The following TMTC2 variants were observed in gnomAD, a reference collection of about 807,000 sequenced individuals.
TMTC2 encodes the protein protein O-mannosyl-transferase TMTC2.
TMTC2 carries 43 observed loss-of-function variants against 82.4 expected under a neutral mutation model. The observed-to-expected ratio is 0.52, with a 90% CI of 0.41 to 0.67. The LOEUF is 0.67. Among genes scored for constraint, TMTC2 ranks in the 30% least tolerant of loss-of-function variants. The probability of loss-of-function intolerance (pLI) is 0.00; values close to 1 mark genes in which losing one functional copy is unlikely to be tolerated. For missense variants in TMTC2, 919 were observed against 1,012.4 expected (o/e 0.91, Z 1.25); for synonymous variants, 408 against 381.9 (o/e 1.07, Z -0.80).
At chr12:82,788,325 A>C (rs1312824960) in intron 1 of TMTC2, among the ~76,000 whole-genome samples, 3 of 152,154 alleles carry the variant, frequency 2.0e-5, no homozygotes, top group Admixed American at 6.5e-5. Context: ...CTACAAATTC[A>C]ATGGAAATAT....
chr12:82,845,790 T>G (rs1316227125), intron 1 of TMTC2, among the ~76,000 whole-genome samples: 2 of 152,150 alleles, frequency 1.3e-5, no homozygotes, highest in Non-Finnish European at 2.9e-5. Flanking sequence ...TTTCTCATAT[T>G]TTCATGTTGT....
intron 1 of TMTC2, among the ~76,000 whole-genome samples, chr12:82,817,590 G>A (rs1227697359): frequency 6.6e-6 from 1 of 152,082 alleles, no homozygotes; most frequent in African/African-American, 2.4e-5. Flanking sequence ...TACTACTGGT[G>A]CCTTGTTTGA....
At chr12:82,879,725 A>AGGAGCAAG (rs1328456464) in intron 2 of TMTC2, among the ~76,000 whole-genome samples, 1 of 152,188 alleles carries the variant, frequency 6.6e-6, no homozygotes, top group East Asian at 1.9e-4. Flanking sequence ...TTTTTTGTAA[A>AGGAGCAAG]ACACGAATTC....
intron 3 of TMTC2, among the ~76,000 whole-genome samples, chr12:82,917,805 T>C (rs1479562094): frequency 1.3e-5 from 2 of 152,152 alleles, no homozygotes; most frequent in Non-Finnish European, 2.9e-5. Flanking sequence ...GGTTTCACCG[T>C]GTTAGCCAGG....
chr12:82,809,832 A>G (rs1879406356), intron 1 of TMTC2, among the ~76,000 whole-genome samples: 1 of 152,136 alleles, frequency 6.6e-6, no homozygotes, highest in African/African-American at 2.4e-5. Flanking sequence ...TCCCTGGACT[A>G]ATGACTCTGA....
At chr12:82,900,980 A>T (rs1873977507) in intron 3 of TMTC2, among the ~76,000 whole-genome samples, 1 of 21,334 alleles carries the variant, frequency 4.7e-5, no homozygotes, top group Non-Finnish European at 7.3e-5. Context: ...ATATATATAT[A>T]TCTGGAATAT....
At chr12:82,790,652 C>A (rs897415403) in intron 1 of TMTC2, among the ~76,000 whole-genome samples, 4 of 151,506 alleles carry the variant, frequency 2.6e-5, no homozygotes, top group African/African-American at 9.7e-5. Context: ...ATGGTGAAAC[C>A]CCGTCTCTAC....
chr12:82,850,178 C>A (rs2137104579), intron 1 of TMTC2, among the ~76,000 whole-genome samples: 1 of 152,178 alleles, frequency 6.6e-6, no homozygotes, highest in South Asian at 2.1e-4. Flanking sequence ...CATGTAGTGT[C>A]CAGTGCGCAA....
At chr12:82,973,450 A>C in intron 7 of TMTC2, among the ~76,000 whole-genome samples, 1 of 152,192 alleles carries the variant, frequency 6.6e-6, no homozygotes, top group East Asian at 1.9e-4. Context: ...AAGATTATGT[A>C]GTCAATAAGA....
intron 8 of TMTC2, among the ~76,000 whole-genome samples, chr12:83,010,432 T>C (rs1880404501): frequency 6.6e-6 from 1 of 152,206 alleles, no homozygotes; most frequent in South Asian, 2.1e-4. Flanking sequence ...AGCAGCAGCC[T>C]GCTTCCTGTT....
At chr12:82,860,298 A>G (rs1188223163) in intron 2 of TMTC2, among the ~76,000 whole-genome samples, 1 of 152,184 alleles carries the variant, frequency 6.6e-6, no homozygotes, top group Admixed American at 6.5e-5. Context: ...AAGGACCTGT[A>G]GGATCATCTT....
intron 1 of TMTC2, among the ~76,000 whole-genome samples, chr12:82,799,953 CT>C (rs1878915058): frequency 6.6e-6 from 1 of 151,906 alleles, no homozygotes; most frequent in East Asian, 1.9e-4. Context: ...TTTCTCTGGC[CT>C]TTTGCAAGAC....
At chr12:82,937,960 G>C (rs1425376760) in intron 4 of TMTC2, among the ~76,000 whole-genome samples, 1 of 141,196 alleles carries the variant, frequency 7.1e-6, no homozygotes, top group Non-Finnish European at 1.5e-5. Context: ...TGTCGCCCAG[G>C]GTGGAGTGCA....
chr12:82,807,127 G>C (rs897943963), intron 1 of TMTC2, among the ~76,000 whole-genome samples: 7 of 152,144 alleles, frequency 4.6e-5, no homozygotes, highest in South Asian at 2.1e-4. Flanking sequence ...TTAGTGTGCT[G>C]TTCATTCAAT....
intron 2 of TMTC2, 23 bp from the exon 3 acceptor site, chr12:82,895,795 T>C: frequency 6.4e-7 from 1 of 1,571,364 alleles, no homozygotes; most frequent in East Asian, 2.2e-5. Context: ...TCTTAATTTT[T>C]CCCTTCTCTC....
At chr12:82,848,048 A>G (rs1287138146) in intron 1 of TMTC2, among the ~76,000 whole-genome samples, 1 of 152,170 alleles carries the variant, frequency 6.6e-6, no homozygotes, top group African/African-American at 2.4e-5. Context: ...CTAAGGAGTT[A>G]GCAATATATT....
chr12:82,728,347 G>GT lies in TMTC2; in HGVS notation c.83+40687dup, dbSNP rs201947047. Among the ~76,000 whole-genome samples, 134 of 151,234 alleles carry GT rather than the reference G, an allele frequency of 8.9e-4. 1 individual carries two copies. The highest frequency in any genetic ancestry group is 6.2e-3 in the East Asian group (32 of 5,156). On this transcript the variant is annotated intron_variant, in intron 1 of 11. Transcript: ENST00000321196. Reference sequence around the variant, plus strand: ...TAAGTTTCTTAGTTTTTATAAAAAGGTTTTTTTTTGTTTTTGTTTTTGTTT... The same window carrying GT: ...TAAGTTTCTTAGTTTTTATAAAAAGGTTTTTTTTTTGTTTTTGTTTTTGTTT...
intron 9 of TMTC2, among the ~76,000 whole-genome samples, chr12:83,032,975 A>G (rs750698918): frequency 2.6e-5 from 4 of 152,224 alleles, no homozygotes; most frequent in Non-Finnish European, 5.9e-5. Flanking sequence ...GTATTTTGGC[A>G]TACATACATT....
intron 7 of TMTC2, among the ~76,000 whole-genome samples, chr12:82,984,764 T>G (rs1405614927): frequency 6.6e-6 from 1 of 152,156 alleles, no homozygotes; most frequent in Non-Finnish European, 1.5e-5. Context: ...CAGTTGAATA[T>G]TTTGTTCACC....
Sources: gnomAD v4.1 joint callset for allele counts (sites outside exome capture counted in the v4.1 genomes callset) on GRCh38, gnomAD v4.1.1 for gene constraint, MANE v1.5 for transcripts, NCBI Gene and HGNC (gene_info 2026-07-23, HGNC 2026-07-21) for gene names.